Variants in UGT2B11 observed in about 807,000 individuals in gnomAD.
UGT2B11 encodes UDP glucuronosyltransferase family 2 member B11.
In UGT2B11, 49 loss-of-function variants were observed where a neutral mutation model predicts 51.7. The observed-to-expected ratio is 0.95, with a 90% CI of 0.75 to 1.20. The LOEUF is 1.20. Among genes scored for constraint, UGT2B11 ranks in the 50% most tolerant of loss-of-function variants. The pLI is 0.00. For missense variants in UGT2B11, 810 were observed against 622.1 expected (o/e 1.30, Z -3.21); for synonymous variants, 273 against 209.0 (o/e 1.31, Z -2.64).
At position 69,200,544 on chromosome 4, in the gene UGT2B11, A is replaced by T. The variant is rs748033185; in HGVS notation, c.1486T>A (p.Phe496Ile). 27 of 1,612,240 alleles carry T rather than the reference A, an allele frequency of 1.7e-5. No homozygotes were observed. In the African/African-American group the frequency reaches 1.7e-4, roughly 10 times the overall value. ...ACAGTTGCCACACAGGCCAGCAGAA[A>T]CCCAATCACATCCAAAGAGTGGTAC... Reference protein sequence around the residue: ...FQYHSLDVIGFLLACVATVIF... With the variant: ...FQYHSLDVIGILLACVATVIF... The change falls in exon 6 of 6, where the codon TTT becomes ATT. Residue 496 changes from phenylalanine (F) to isoleucine (I), a missense_variant. Transcript: ENST00000446444.
At chr4:69,206,731 T>A (rs528136026) in intron 3 of UGT2B11, among the ~76,000 whole-genome samples, 1 of 151,652 alleles carries the variant, frequency 6.6e-6, no homozygotes, top group Non-Finnish European at 1.5e-5. Flanking sequence ...ATAAAACAGT[T>A]ACTATTTAGT....
rs756653455 is a variant in UGT2B11, at chr4:69,204,652, A to G, written c.1091-3T>C. 6.2e-6 allele frequency: 10 copies of G among 1,611,366 alleles called. No individual in the cohort carries two copies. The highest frequency in any genetic ancestry group is 4.5e-5 in the East Asian group (2 of 44,720). On this transcript the variant is annotated splice_polypyrimidine_tract_variant and splice_region_variant and intron_variant, in intron 4 of 5. Transcript: ENST00000446444. Reference sequence around the variant, plus strand: ...AAAAGCTCTGGTTTTTGGATGACCTAGGATTGGATGAATTTTAGCAAAATT... The same window carrying G: ...AAAAGCTCTGGTTTTTGGATGACCTGGGATTGGATGAATTTTAGCAAAATT...
chr4:69,200,894 A>T (rs983272008), intron 5 of UGT2B11, among the ~76,000 whole-genome samples, 175 bp from the exon 6 acceptor site: 1 of 151,838 alleles, frequency 6.6e-6, no homozygotes, highest in African/African-American at 2.4e-5. Context: ...TTTAAATTGG[A>T]CTTTTCTCAT....
In UGT2B11 at chr4:69,211,804, TA is replaced by T. The variant is rs546269823; in HGVS notation, c.870+768del. Among the ~76,000 whole-genome samples the T allele has an allele frequency of 8.7e-4, 132 of 151,652 alleles. No individual in the cohort carries two copies. In the Middle Eastern group the frequency reaches 0.01, roughly 12 times the overall value. ...CATTGAATATCTTGGAGGCTTTTCT[TA>T]AAAAAGAGAATCGTTTCATATATAT... On this transcript the variant is annotated intron_variant, in intron 2 of 5. Transcript: ENST00000446444.
upstream of UGT2B11, among the ~76,000 whole-genome samples, chr4:69,217,035 TTTC>T (rs1489717845): frequency 6.6e-6 from 1 of 152,164 alleles, no homozygotes; most frequent in African/African-American, 2.4e-5. Context: ...AGAAATTCAT[TTTC>T]TTTTTATCCA....
At chr4:69,213,707 TA>T (rs1418331649) in intron 1 of UGT2B11, among the ~76,000 whole-genome samples, 3 of 151,880 alleles carry the variant, frequency 2.0e-5, no homozygotes, top group African/African-American at 7.2e-5. Context: ...TTTTAAGATC[TA>T]AAACATTATA....
upstream of UGT2B11, among the ~76,000 whole-genome samples, chr4:69,218,361 G>GA (rs1416398197): frequency 1.3e-5 from 2 of 151,994 alleles, no homozygotes; most frequent in African/African-American, 4.8e-5. Flanking sequence ...ATAGACCCTG[G>GA]AATGTGATAA....
At chr4:69,217,310 A>C (rs1722298853), upstream of UGT2B11, among the ~76,000 whole-genome samples, 1 of 152,192 alleles carries the variant, frequency 6.6e-6, no homozygotes, top group Non-Finnish European at 1.5e-5. Context: ...GTCACAAAAC[A>C]GACAAATTTG....
chr4:69,223,024 T>G, the UGT2B11 span, among the ~76,000 whole-genome samples: 4 of 152,080 alleles, frequency 2.6e-5, no homozygotes, highest in Non-Finnish European at 5.9e-5. Flanking sequence ...TTGGCACAGG[T>G]CAGTACTGTC....
chr4:69,207,623 T>G (rs977158783), intron 3 of UGT2B11, among the ~76,000 whole-genome samples: 18 of 151,684 alleles, frequency 1.2e-4, no homozygotes, highest in Middle Eastern at 3.4e-3. Flanking sequence ...TTTTATACTG[T>G]ACAGGATCCA....
At chr4:69,222,864 C>T in the UGT2B11 span, among the ~76,000 whole-genome samples, 24,402 of 152,100 alleles carry the variant, frequency 0.16, 2,425 homozygotes, top group African/African-American at 0.27. Context: ...TATAAGCACC[C>T]AAGTTTAAGT....
chr4:69,220,994 T>A, the UGT2B11 span, among the ~76,000 whole-genome samples: 1 of 152,180 alleles, frequency 6.6e-6, no homozygotes, highest in Non-Finnish European at 1.5e-5. Flanking sequence ...TGCCTCCAAT[T>A]CCAGTCCCAA....
chr4:69,220,421 A>T, the UGT2B11 span, among the ~76,000 whole-genome samples: 2 of 151,858 alleles, frequency 1.3e-5, no homozygotes, highest in Non-Finnish European at 2.9e-5. Flanking sequence ...TCCACTGGGT[A>T]GTGCTCTGGT....
intron 4 of UGT2B11, among the ~76,000 whole-genome samples, chr4:69,205,067 T>C (rs566901728): frequency 6.6e-6 from 1 of 151,726 alleles, no homozygotes; most frequent in South Asian, 2.1e-4. Context: ...ATGAAATGTG[T>C]CGTTACTTTA....
Position 69,208,339 on chromosome 4 carries a change from C to A in UGT2B11, c.1002+12G>T, listed in dbSNP as rs55646856. 0.05 allele frequency: 80,509 copies of A among 1,610,062 alleles called. 2,533 individuals carry two copies. The highest frequency in any genetic ancestry group is 0.11 in the South Asian group (10,440 of 90,884). ...CAGCAGTTTTCCACACCAGTAAGGC[C>A]CTTTATCTTACCTTTTGTGGGATCT... is the stretch of plus-strand genomic sequence containing the variant. On this transcript the variant is annotated intron_variant, in intron 3 of 5. Coordinates refer to ENST00000446444, the MANE Select transcript of UGT2B11 (RefSeq NM_001073.3).
In UGT2B11 at chr4:69,214,655, C is replaced by G. The variant is rs1195017073; in HGVS notation, c.68G>C (p.Cys23Ser). The G allele has an allele frequency of 6.2e-7, 1 of 1,613,076 alleles. No individual in the cohort carries two copies. Among genetic ancestry groups the G allele is most frequent in the South Asian group, 1.1e-5 (1 of 91,058 alleles). Residue 23 changes from cysteine (C) to serine (S), a missense_variant, in exon 1 of 6, where the codon TGT (cysteine) becomes TCT (serine). Transcript: ENST00000446444. The stretch of plus-strand genomic sequence containing the variant: ...TGCGGCCCACACCAGCACTTTTCCA[C>G]AACTCCCAGAGCTAAAGTAACAACT... ...HLSCYFSSGS[C>S]GKVLVWAAEY...
At chr4:69,212,836 G>A (rs1722124731) in intron 1 of UGT2B11, 115 bp from the exon 2 acceptor site, 6 of 1,032,618 alleles carry the variant, frequency 5.8e-6, no homozygotes, top group Non-Finnish European at 5.2e-6. Context: ...TATGTGCTTT[G>A]AAAAATATAT....
intron 5 of UGT2B11, among the ~76,000 whole-genome samples, chr4:69,202,869 TA>T (rs919225349): frequency 2.6e-5 from 4 of 151,674 alleles, no homozygotes; most frequent in Admixed American, 2.6e-4. Context: ...TTCTTTGGGA[TA>T]AAGTATTTTT....
chr4:69,214,855 T>C (rs1722216530), upstream of UGT2B11: 16 of 1,400,316 alleles, frequency 1.1e-5, no homozygotes, highest in Non-Finnish European at 1.5e-5. Flanking sequence ...CCTGAGTACA[T>C]GGATGGCAAG....
Sources: gnomAD v4.1 joint callset for allele counts (sites outside exome capture counted in the v4.1 genomes callset) on GRCh38, gnomAD v4.1.1 for gene constraint, MANE v1.5 for transcripts, NCBI Gene and HGNC (gene_info 2026-07-23, HGNC 2026-07-21) for gene names.